Variants in KLHDC1 observed in about 807,000 individuals in gnomAD.
KLHDC1 encodes the protein kelch domain containing 1.
KLHDC1 carries 53 observed loss-of-function variants against 68.3 expected under a neutral mutation model. That is an observed-to-expected ratio of 0.78 (90% CI 0.62 to 0.98). KLHDC1 has a LOEUF of 0.98. Among genes scored for constraint, KLHDC1 ranks in the 50% least tolerant of loss-of-function variants. KLHDC1 has a pLI of 0.00. For missense variants in KLHDC1, 470 were observed against 492.3 expected, an observed-to-expected ratio of 0.95 and a Z score of 0.43; for synonymous variants, 148 against 159.0, an observed-to-expected ratio of 0.93 and a Z score of 0.52.
intron 4 of KLHDC1, among the ~76,000 whole-genome samples, chr14:49,713,029 A>G (rs1437167359): frequency 6.8e-6 from 1 of 148,050 alleles, no homozygotes; most frequent in African/African-American, 2.5e-5. Context: ...AGCTCACTGC[A>G]AGCTCTGCCT....
At chr14:49,716,111 C>G (rs1017299828) in intron 4 of KLHDC1, among the ~76,000 whole-genome samples, 2 of 152,074 alleles carry the variant, frequency 1.3e-5, no homozygotes, top group African/African-American at 4.8e-5. Context: ...ATTTTAAGGG[C>G]TAGAGGCAAA....
At chr14:49,711,297 G>A (rs1888193857) in intron 4 of KLHDC1, among the ~76,000 whole-genome samples, 2 of 152,188 alleles carry the variant, frequency 1.3e-5, no homozygotes, top group African/African-American at 4.8e-5. Flanking sequence ...CACCTCCCAG[G>A]TTCAAGCAAT....
At chr14:49,701,303 A>G (rs1024628734) in intron 1 of KLHDC1, among the ~76,000 whole-genome samples, 4 of 152,196 alleles carry the variant, frequency 2.6e-5, no homozygotes, top group African/African-American at 9.6e-5. Context: ...AAGAGAATAT[A>G]TGACTTCTAA....
In KLHDC1 at chr14:49,693,199, C is replaced by A; in HGVS notation, c.5C>A (p.Ala2Glu). The A allele has an allele frequency of 6.3e-7, 1 of 1,582,854 alleles. No individual in the cohort carries two copies. Among genetic ancestry groups the A allele is most frequent in the Non-Finnish European group, 8.6e-7 (1 of 1,166,290 alleles). ...GGCGGGCCAGCGACGGCGCGAATGG[C>A]GGACTCTCAGCTGTTCTGTGTGGCG... MADSQLFCVAEE... is the reference protein window; with the variant it reads MEDSQLFCVAEE... The change falls in exon 1 of 13, where the codon GCG (alanine) becomes GAG (glutamate). Residue 2 changes from alanine (A) to glutamate (E), a missense_variant. Physicochemically the swap from Ala to Glu is moderately radical, Grantham distance 107. Coordinates refer to ENST00000359332, the MANE Select transcript of KLHDC1 (RefSeq NM_172193.3).
In KLHDC1 at chr14:49,693,231, C is replaced by T. The variant is rs772785595; in HGVS notation, c.37C>T (p.Arg13Cys). The change falls in exon 1 of 13, where the codon CGC (arginine) becomes TGC (cysteine). Residue 13 changes from arginine to cysteine, a missense_variant. Physicochemically the swap from Arg to Cys is radical, Grantham distance 180 (BLOSUM62 -3). Transcript: ENST00000359332. ...DSQLFCVAEE[R>C]SGHCAVVDGN... ...TCAGCTGTTCTGTGTGGCGGAGGAA[C>T]GCAGCGGCCACTGCGCCGTGGTGGA... 7.0e-6 allele frequency: 11 copies of T among 1,574,398 alleles called. No individual in the cohort carries two copies. In the South Asian group the frequency reaches 7.9e-5, roughly 11 times the overall value.
chr14:49,746,913 A>G (rs191461856), intron 12 of KLHDC1, among the ~76,000 whole-genome samples: 21 of 151,120 alleles, frequency 1.4e-4, no homozygotes, highest in African/African-American at 5.1e-4. Context: ...TCTCCAAATA[A>G]TAAGACCCTT....
At chr14:49,695,116 ATGTGTGTG>A (rs71115393) in intron 1 of KLHDC1, among the ~76,000 whole-genome samples, 33 of 142,200 alleles carry the variant, frequency 2.3e-4, no homozygotes, top group South Asian at 1.6e-3. Context: ...TGCAGTTTTG[ATGTGTGTG>A]TGTGTGTGTG....
intron 10 of KLHDC1, among the ~76,000 whole-genome samples, chr14:49,736,973 T>C (rs952804977): frequency 6.6e-6 from 1 of 152,242 alleles, no homozygotes; most frequent in Admixed American, 6.5e-5. Context: ...TGTAGCCAGA[T>C]CTGATAGCCT....
intron 11 of KLHDC1, among the ~76,000 whole-genome samples, chr14:49,742,964 T>C (rs892355095): frequency 1.4e-5 from 2 of 146,848 alleles, no homozygotes; most frequent in African/African-American, 2.5e-5. Context: ...CCCAGCTACT[T>C]GCGGGGCTGA....
intron 2 of KLHDC1, 50 bp downstream of exon 2, chr14:49,709,279 T>A (rs1453252268): frequency 1.3e-6 from 1 of 799,922 alleles, no homozygotes; most frequent in African/African-American, 1.8e-5. Context: ...CTATTATAAA[T>A]GTTTCTGTAG....
chr14:49,702,573 C>T (rs559098931), intron 1 of KLHDC1, among the ~76,000 whole-genome samples: 17 of 152,264 alleles, frequency 1.1e-4, no homozygotes, highest in Admixed American at 1.0e-3. Flanking sequence ...TGGTATTCCC[C>T]TAGTGAGTGA....
intron 1 of KLHDC1, among the ~76,000 whole-genome samples, chr14:49,695,926 C>T (rs1291147565): frequency 6.6e-6 from 1 of 151,932 alleles, no homozygotes; most frequent in Middle Eastern, 3.2e-3. Flanking sequence ...ATTAGCCAGG[C>T]GTGGTGGCAG....
chr14:49,744,494 G>A (rs1889145171), intron 12 of KLHDC1, among the ~76,000 whole-genome samples: 1 of 151,794 alleles, frequency 6.6e-6, no homozygotes, highest in South Asian at 2.1e-4. Context: ...ATGTTATATA[G>A]TCATTCCTTG....
intron 6 of KLHDC1, among the ~76,000 whole-genome samples, chr14:49,727,364 T>G (rs1396580978): frequency 6.6e-6 from 1 of 152,196 alleles, no homozygotes; most frequent in African/African-American, 2.4e-5. Context: ...TTGAGTCACA[T>G]GTTCATTGCT....
At chr14:49,750,239 G>A (rs916913394) in intron 12 of KLHDC1, among the ~76,000 whole-genome samples, 5 of 152,098 alleles carry the variant, frequency 3.3e-5, no homozygotes, top group African/African-American at 1.2e-4. Flanking sequence ...CCCCACTCGC[G>A]CTCTGCCCTC....
intron 12 of KLHDC1, among the ~76,000 whole-genome samples, chr14:49,748,762 A>G (rs553472931): frequency 1.3e-5 from 2 of 151,506 alleles, no homozygotes; most frequent in African/African-American, 2.4e-5. Context: ...AAAATTGTAC[A>G]TGTATATATA....
At chr14:49,734,210 CTT>C (rs902872609) in intron 9 of KLHDC1, among the ~76,000 whole-genome samples, 3 of 151,078 alleles carry the variant, frequency 2.0e-5, no homozygotes, top group African/African-American at 2.4e-5. Context: ...GATCCCAAGA[CTT>C]TTTTTTTAGT....
chr14:49,718,924 C>A (rs186618394), intron 4 of KLHDC1, among the ~76,000 whole-genome samples: 1 of 150,972 alleles, frequency 6.6e-6, no homozygotes, highest in Non-Finnish European at 1.5e-5. Flanking sequence ...TTACAGCCGC[C>A]TGCCACTACA....
chr14:49,710,646 ATATC>A (rs1888174531), intron 4 of KLHDC1, among the ~76,000 whole-genome samples: 1 of 152,144 alleles, frequency 6.6e-6, no homozygotes, highest in Admixed American at 6.5e-5. Flanking sequence ...TCTCTGAACA[ATATC>A]TATCATTCCC....
Sources: gnomAD v4.1 joint callset for allele counts (sites outside exome capture counted in the v4.1 genomes callset) on GRCh38, gnomAD v4.1.1 for gene constraint, MANE v1.5 for transcripts, NCBI Gene and HGNC (gene_info 2026-07-23, HGNC 2026-07-21) for gene names.